Variants in SORCS2 observed in about 807,000 individuals in gnomAD.
SORCS2 encodes VPS10 domain-containing receptor SorCS2.
SORCS2 carries 100 observed loss-of-function variants against 141.6 expected under a neutral mutation model. The ratio of observed to expected loss-of-function variants is 0.71; its 90% CI spans 0.60 to 0.83. The LOEUF is 0.83. SORCS2 is among the 40% of genes least tolerant of loss of function. The pLI is 0.00. For missense variants in SORCS2, 1,646 were observed against 1,560.2 expected, an observed-to-expected ratio of 1.05 and a Z score of -0.93; for synonymous variants, 789 against 676.9, an observed-to-expected ratio of 1.17 and a Z score of -2.57.
At chr4:7,680,470 C>T (rs955861142) in intron 9 of SORCS2, among the ~76,000 whole-genome samples, 2 of 152,254 alleles carry the variant, frequency 1.3e-5, no homozygotes, top group Non-Finnish European at 2.9e-5. Flanking sequence ...CATCTGTAGT[C>T]ACTGAGTCGA....
intron 4 of SORCS2, among the ~76,000 whole-genome samples, chr4:7,652,305 C>G (rs759421741): frequency 4.6e-5 from 7 of 152,334 alleles, no homozygotes; most frequent in Admixed American, 6.5e-5. Flanking sequence ...GTGGCCCTGG[C>G]AACTTCACCT....
chr4:7,348,773 G>C (rs1720778261), intron 1 of SORCS2, among the ~76,000 whole-genome samples: 1 of 152,146 alleles, frequency 6.6e-6, no homozygotes, highest in Admixed American at 6.5e-5. Context: ...GGCTGGTCTT[G>C]AACTCCTGAC....
At chr4:7,398,542 G>T (rs1288327388) in intron 2 of SORCS2, among the ~76,000 whole-genome samples, 1 of 152,176 alleles carries the variant, frequency 6.6e-6, no homozygotes, top group Non-Finnish European at 1.5e-5. Flanking sequence ...AAAAATGCTT[G>T]CAGAGACATT....
At chr4:7,686,243 G>C (rs758216902) in intron 10 of SORCS2, among the ~76,000 whole-genome samples, 20 of 152,240 alleles carry the variant, frequency 1.3e-4, no homozygotes, top group Non-Finnish European at 2.5e-4. Context: ...AAAGTGGTTT[G>C]AATCTGTTTG....
intron 1 of SORCS2, among the ~76,000 whole-genome samples, chr4:7,346,971 A>G (rs532660109): frequency 2.7e-4 from 41 of 152,360 alleles, no homozygotes; most frequent in African/African-American, 9.9e-4. Context: ...CACAAAGACT[A>G]TACATACATA....
At chr4:7,350,183 C>G (rs555816026) in intron 1 of SORCS2, among the ~76,000 whole-genome samples, 1 of 152,358 alleles carries the variant, frequency 6.6e-6, no homozygotes, top group Non-Finnish European at 1.5e-5. Context: ...GGAACCCACT[C>G]TGTGCGAATT....
At chr4:7,600,395 G>A (rs1717579655) in intron 3 of SORCS2, among the ~76,000 whole-genome samples, 4 of 152,216 alleles carry the variant, frequency 2.6e-5, no homozygotes, top group Admixed American at 6.5e-5. Flanking sequence ...CATGCCAGGC[G>A]CTTGGCACGA....
chr4:7,701,017 A>G (rs1182869038), intron 12 of SORCS2, among the ~76,000 whole-genome samples: 1 of 152,218 alleles, frequency 6.6e-6, no homozygotes, highest in Non-Finnish European at 1.5e-5. Flanking sequence ...TCCTGTGTGC[A>G]GCACGCCTCA....
intron 1 of SORCS2, among the ~76,000 whole-genome samples, chr4:7,232,239 G>A (rs1297760353): frequency 6.6e-6 from 1 of 152,136 alleles, no homozygotes; most frequent in African/African-American, 2.4e-5. Context: ...TGGCAGGATG[G>A]ATGAGGGGAA....
chr4:7,628,661 C>G (rs1719680118), intron 3 of SORCS2, among the ~76,000 whole-genome samples: 1 of 152,126 alleles, frequency 6.6e-6, no homozygotes, highest in Admixed American at 6.5e-5. Context: ...TGTTCCCTGA[C>G]CATGTGGCCT....
chr4:7,481,619 C>T (rs11930924), intron 2 of SORCS2, among the ~76,000 whole-genome samples: 13,188 of 152,072 alleles, frequency 0.087, 616 homozygotes, highest in African/African-American at 0.12. Context: ...CTCTGCCTGT[C>T]CATATTTGAA....
At chr4:7,709,433 C>T (rs777194198) in intron 14 of SORCS2, among the ~76,000 whole-genome samples, 1 of 152,234 alleles carries the variant, frequency 6.6e-6, no homozygotes, top group Non-Finnish European at 1.5e-5. Flanking sequence ...GGCATTTTAT[C>T]CCAGAAGGAT....
intron 1 of SORCS2, among the ~76,000 whole-genome samples, chr4:7,333,519 C>T (rs1305973442): frequency 6.6e-6 from 1 of 152,176 alleles, no homozygotes; most frequent in East Asian, 1.9e-4. Flanking sequence ...GGGGGACTTT[C>T]TGGCCCAGCC....
intron 3 of SORCS2, among the ~76,000 whole-genome samples, chr4:7,607,139 G>A (rs1306854746): frequency 6.6e-6 from 1 of 152,162 alleles, no homozygotes; most frequent in Non-Finnish European, 1.5e-5. Flanking sequence ...TGACTTCATG[G>A]TCTGGCCACA....
chr4:7,350,600 A>G (rs945883455), intron 1 of SORCS2, among the ~76,000 whole-genome samples: 16 of 152,208 alleles, frequency 1.1e-4, no homozygotes, highest in Admixed American at 2.6e-4. Flanking sequence ...ATGACCCTGA[A>G]GGCCAGGACT....
intron 9 of SORCS2, among the ~76,000 whole-genome samples, chr4:7,680,138 G>C (rs964556283): frequency 1.3e-5 from 2 of 152,206 alleles, no homozygotes; most frequent in East Asian, 3.9e-4. Context: ...CATTCCCCGG[G>C]CCTCCCTTCA....
intron 18 of SORCS2, among the ~76,000 whole-genome samples, chr4:7,722,563 C>G (rs186791530): frequency 1.8e-4 from 27 of 152,370 alleles, no homozygotes; most frequent in African/African-American, 6.5e-4. Flanking sequence ...CCTGCCTTTG[C>G]CTTCACCTCC....
chr4:7,704,760 T>G (rs1725308709), intron 14 of SORCS2, among the ~76,000 whole-genome samples: 1 of 152,174 alleles, frequency 6.6e-6, no homozygotes, highest in Non-Finnish European at 1.5e-5. Flanking sequence ...GCAGAGACGC[T>G]TAGGACAGTG....
At chr4:7,298,118 G>A (rs1440404074) in intron 1 of SORCS2, among the ~76,000 whole-genome samples, 1 of 152,214 alleles carries the variant, frequency 6.6e-6, no homozygotes, top group African/African-American at 2.4e-5. Flanking sequence ...ACAAGGAGGC[G>A]ACGGGGCTGG....
Sources: gnomAD v4.1 joint callset for allele counts (sites outside exome capture counted in the v4.1 genomes callset) on GRCh38, gnomAD v4.1.1 for gene constraint, MANE v1.5 for transcripts, NCBI Gene and HGNC (gene_info 2026-07-23, HGNC 2026-07-21) for gene names.